The following HMBOX1 variants were observed in gnomAD, a reference collection of about 807,000 sequenced individuals.
The protein encoded by HMBOX1 is homeobox containing 1.
A neutral mutation model predicts 54.5 loss-of-function variants in HMBOX1; 14 were observed. The observed-to-expected ratio is 0.26, with a 90% CI of 0.17 to 0.40. The LOEUF (loss-of-function observed/expected upper bound fraction) is 0.40, where lower values mean the gene tolerates loss of function less well. Ranked by LOEUF, HMBOX1 falls within the 10% of genes least tolerant of loss-of-function variation. The pLI, the probability that HMBOX1 is intolerant of heterozygous loss-of-function variation, is 1.00. For missense variants in HMBOX1, 332 were observed against 514.4 expected, an observed-to-expected ratio of 0.65 and a Z score of 3.43; for synonymous variants, 160 against 181.0, an observed-to-expected ratio of 0.88 and a Z score of 0.93.
At position 28,972,358 on chromosome 8, in the gene HMBOX1, G is replaced by C. The variant is rs188259875; in HGVS notation, c.500+1839G>C. Reference sequence around the variant, plus strand: ...CTCCTGAGTAGCTGGGACTGCAGGCGTGTGCCACCATGCCCAGCTAATTTT... The same window carrying C: ...CTCCTGAGTAGCTGGGACTGCAGGCCTGTGCCACCATGCCCAGCTAATTTT... On this transcript the variant is annotated intron_variant, in intron 3 of 9. Transcript: ENST00000287701. Among the ~76,000 whole-genome samples the C allele has an allele frequency of 3.3e-3, 500 of 152,202 alleles. 3 individuals carry two copies. Among genetic ancestry groups the C allele is most frequent in the African/African-American group, 0.011 (473 of 41,528 alleles).
intron 1 of HMBOX1, among the ~76,000 whole-genome samples, chr8:28,913,825 G>T (rs1815959594): frequency 6.7e-6 from 1 of 148,856 alleles, no homozygotes; most frequent in Admixed American, 6.7e-5. Context: ...TGATCTCACT[G>T]CAGCCTCCAC....
Position 29,052,707 on chromosome 8 carries a change from A to C in HMBOX1, c.*1552A>C, listed in dbSNP as rs1241751128. ...TCTCTTGGCATCCCGATTAAATGACACACTGTCACTGTGGGTAAGAGGAAA... is the reference window on the plus strand; with the variant it reads ...TCTCTTGGCATCCCGATTAAATGACCCACTGTCACTGTGGGTAAGAGGAAA... On this transcript the variant is annotated 3_prime_UTR_variant, in exon 10 of 10. Coordinates refer to ENST00000287701, the MANE Select transcript of HMBOX1 (RefSeq NM_001135726.3). 1.3e-5 allele frequency: 2 copies of C among 152,138 alleles called. No individual in the cohort carries two copies. Among genetic ancestry groups the C allele is most frequent in the Non-Finnish European group, 2.9e-5 (2 of 68,024 alleles). 9.4% of individuals were successfully genotyped at this position (152,138 alleles called of 1,614,324 possible).
rs1830126896 is a variant in HMBOX1, at chr8:28,986,111, C to G, written c.586+5955C>G. ...CCTTCTCCCCTCAACTCCTGGCAAC[C>G]TTTTTATGGTTTCCCTAGTTTTGCC... On this transcript the variant is annotated intron_variant, in intron 4 of 9. Transcript: ENST00000287701. Among the ~76,000 whole-genome samples, 3 of 152,168 alleles carry G rather than the reference C, an allele frequency of 2.0e-5. No homozygotes were observed. In the South Asian group the frequency reaches 6.2e-4, roughly 31 times the overall value.
At chr8:28,951,834 G>A (rs941265902) in intron 1 of HMBOX1, among the ~76,000 whole-genome samples, 3 of 152,170 alleles carry the variant, frequency 2.0e-5, no homozygotes, top group African/African-American at 7.2e-5. Context: ...CTTTTTAAGA[G>A]AAACTCTGAC....
intron 1 of HMBOX1, among the ~76,000 whole-genome samples, chr8:28,899,164 G>A (rs1812727638): frequency 6.6e-6 from 1 of 152,178 alleles, no homozygotes; most frequent in Non-Finnish European, 1.5e-5. Context: ...GAACTAGCTA[G>A]GATTAAGGAA....
chr8:28,890,455 C>G lies in HMBOX1; in HGVS notation c.-281C>G, dbSNP rs1251064254. The stretch of plus-strand genomic sequence containing the variant: ...GACAGTCAGTCTGATGTGATTGAGA[C>G]AAGGGAGGTTTTTCAGGGGGAGACT... On this transcript the variant is annotated 5_prime_UTR_variant, in exon 1 of 10. Coordinates refer to ENST00000287701, the MANE Select transcript of HMBOX1 (RefSeq NM_001135726.3). 1 of 153,540 alleles carries G rather than the reference C, an allele frequency of 6.5e-6. No homozygotes were observed. The highest frequency in any genetic ancestry group is 1.5e-5 in the Non-Finnish European group (1 of 68,564). 9.5% of individuals were successfully genotyped at this position (153,540 alleles called of 1,614,324 possible).
chr8:28,971,310 C>G lies in HMBOX1; in HGVS notation c.500+791C>G, dbSNP rs375010145. 4.6e-3 allele frequency among the ~76,000 whole-genome samples: 702 copies of G among 151,998 alleles called. 5 individuals carry two copies. The highest frequency in any genetic ancestry group is 0.016 in the African/African-American group (653 of 41,472). On this transcript the variant is annotated intron_variant, in intron 3 of 9. Transcript: ENST00000287701. Reference sequence around the variant, plus strand: ...TTTTCCATGTTGATCAGGCTGGTCTCGAACTCCTGATCTCAGGTGATCCAC... The same window carrying G: ...TTTTCCATGTTGATCAGGCTGGTCTGGAACTCCTGATCTCAGGTGATCCAC...
rs982440833 is a variant in HMBOX1, at chr8:29,047,616, G to C, written c.1030+163G>C. 1.4e-4 allele frequency among the ~76,000 whole-genome samples: 20 copies of C among 145,276 alleles called. No individual in the cohort carries two copies. In the Admixed American group the frequency reaches 1.4e-3, roughly 10 times the overall value. Reference sequence around the variant, plus strand: ...GAGTTTCACTCTTGTTGCCCAGGCTGGAGTGCAGTGGCGCGATGTTGGCTG... The same window carrying C: ...GAGTTTCACTCTTGTTGCCCAGGCTCGAGTGCAGTGGCGCGATGTTGGCTG... On this transcript the variant is annotated intron_variant, in intron 8 of 9. Transcript: ENST00000287701.
intron 4 of HMBOX1, among the ~76,000 whole-genome samples, chr8:28,992,319 G>T (rs1831092144): frequency 6.6e-6 from 1 of 152,080 alleles, no homozygotes; most frequent in East Asian, 1.9e-4. Context: ...GTTTCAAATG[G>T]CACATAGTAA....
chr8:28,976,396 TTTG>T (rs759293993), intron 3 of HMBOX1, among the ~76,000 whole-genome samples: 24 of 152,058 alleles, frequency 1.6e-4, no homozygotes, highest in Admixed American at 5.2e-4. Context: ...ATTGATGCTT[TTTG>T]TTGTTGTTGT....
intron 1 of HMBOX1, among the ~76,000 whole-genome samples, chr8:28,960,795 T>TGGAGACGGAG: frequency 1.1e-5 from 1 of 87,110 alleles, no homozygotes; most frequent in African/African-American, 4.7e-5. Context: ...TTTTTTTTTT[T>TGGAGACGGAG]TTTTTTTTTG....
intron 1 of HMBOX1, among the ~76,000 whole-genome samples, chr8:28,921,641 T>A (rs951334511): frequency 1.3e-5 from 2 of 152,226 alleles, no homozygotes; most frequent in African/African-American, 2.4e-5. Flanking sequence ...TTCAGTGTTA[T>A]GATAACTGCA....
At chr8:29,003,555 A>ATATATATATATATATATATATAT (rs1832971970) in intron 4 of HMBOX1, among the ~76,000 whole-genome samples, 1 of 71,314 alleles carries the variant, frequency 1.4e-5, no homozygotes, top group Non-Finnish European at 2.7e-5. Context: ...TTCTGTATTA[A>ATATATATATATATATATATATAT]ATATATATAT....
At chr8:28,939,325 T>A (rs1241899628) in intron 1 of HMBOX1, among the ~76,000 whole-genome samples, 1 of 151,216 alleles carries the variant, frequency 6.6e-6, no homozygotes, top group Non-Finnish European at 1.5e-5. Context: ...GAACAAAACA[T>A]GATATCACCC....
chr8:29,009,224 C>G, intron 5 of HMBOX1, 42 bp downstream of exon 5: 2 of 1,459,640 alleles, frequency 1.4e-6, no homozygotes, highest in South Asian at 2.3e-5. Flanking sequence ...TGAAACAAGA[C>G]AGATATAATG....
chr8:28,994,239 C>T (rs191667079), intron 4 of HMBOX1, among the ~76,000 whole-genome samples: 2 of 150,650 alleles, frequency 1.3e-5, no homozygotes, highest in Admixed American at 6.6e-5. Flanking sequence ...TATTAAAATA[C>T]ACTACATAAG....
chr8:29,044,776 C>G (rs1188225618), intron 6 of HMBOX1, among the ~76,000 whole-genome samples: 5 of 152,192 alleles, frequency 3.3e-5, no homozygotes, highest in Admixed American at 6.5e-5. Context: ...AAACATCCCT[C>G]TGGGTCAGTG....
chr8:28,955,631 T>A lies in HMBOX1; in HGVS notation c.-57-8180T>A, dbSNP rs143812900. On this transcript the variant is annotated intron_variant, in intron 1 of 9. Coordinates refer to ENST00000287701, the MANE Select transcript of HMBOX1 (RefSeq NM_001135726.3). Reference sequence around the variant, plus strand: ...GTATATTGTAATTTAGCCATTTCTGTGTTGATCGAAACAACTCTTTGTAGA... The same window carrying A: ...GTATATTGTAATTTAGCCATTTCTGAGTTGATCGAAACAACTCTTTGTAGA... Among the ~76,000 whole-genome samples the A allele has an allele frequency of 9.2e-5, 14 of 152,308 alleles. No individual in the cohort carries two copies. In the East Asian group the frequency reaches 2.7e-3, roughly 29 times the overall value.
intron 6 of HMBOX1, among the ~76,000 whole-genome samples, chr8:29,037,046 T>C (rs1431805781): frequency 6.6e-6 from 1 of 152,242 alleles, no homozygotes; most frequent in Non-Finnish European, 1.5e-5. Flanking sequence ...TTCCGTTTAG[T>C]ACTCTTCTCT....
Sources: gnomAD v4.1 joint callset for allele counts (sites outside exome capture counted in the v4.1 genomes callset) on GRCh38, gnomAD v4.1.1 for gene constraint, MANE v1.5 for transcripts, NCBI Gene and HGNC (gene_info 2026-07-23, HGNC 2026-07-21) for gene names.